The following ANKS1A variants were observed in gnomAD, a reference collection of about 807,000 sequenced individuals.
ANKS1A encodes ankyrin repeat and sterile alpha motif domain containing 1A, also known as ankyrin repeat and SAM domain-containing protein 1A.
A neutral mutation model predicts 120.3 loss-of-function variants in ANKS1A; 55 were observed. That is an observed-to-expected ratio of 0.46 (90% CI 0.37 to 0.57). The LOEUF is 0.57. Ranked by LOEUF, ANKS1A falls within the 20% of genes least tolerant of loss-of-function variation. The pLI, the probability that ANKS1A is intolerant of heterozygous loss-of-function variation, is 0.00. For missense variants in ANKS1A, 1,123 were observed against 1,480.3 expected, an observed-to-expected ratio of 0.76 and a Z score of 3.96; for synonymous variants, 590 against 604.7, an observed-to-expected ratio of 0.98 and a Z score of 0.36.
intron 3 of ANKS1A, among the ~76,000 whole-genome samples, chr6:34,979,591 T>G (rs1771793667): frequency 6.6e-6 from 1 of 152,138 alleles, no homozygotes; most frequent in Non-Finnish European, 1.5e-5. Flanking sequence ...TTTTTGTTTT[T>G]TTGGTTTTTT....
intron 1 of ANKS1A, among the ~76,000 whole-genome samples, chr6:34,902,781 C>A (rs542940710): frequency 1.4e-5 from 2 of 145,124 alleles, no homozygotes; most frequent in Non-Finnish European, 3.0e-5. Context: ...CCACCCCGGG[C>A]GACAAAGCAA....
chr6:35,030,710 A>G (rs747210095), intron 11 of ANKS1A, among the ~76,000 whole-genome samples: 6 of 152,152 alleles, frequency 3.9e-5, no homozygotes, highest in African/African-American at 1.2e-4. Context: ...CACCCCATCA[A>G]TTCTGGTTTT....
chr6:35,053,301 C>T (rs1776056380), intron 11 of ANKS1A, among the ~76,000 whole-genome samples: 1 of 152,374 alleles, frequency 6.6e-6, no homozygotes, highest in Admixed American at 6.5e-5. Context: ...GGCCAGGTTT[C>T]CTGGGGAAGG....
chr6:34,954,593 A>C (rs1770254471), intron 1 of ANKS1A, among the ~76,000 whole-genome samples: 1 of 152,146 alleles, frequency 6.6e-6, no homozygotes, highest in African/African-American at 2.4e-5. Context: ...ATGGAGTGTC[A>C]CCTTTCTTGC....
chr6:34,958,469 A>T (rs1274180281), intron 1 of ANKS1A, among the ~76,000 whole-genome samples: 1 of 152,186 alleles, frequency 6.6e-6, no homozygotes, highest in Non-Finnish European at 1.5e-5. Flanking sequence ...ACACCTGCTC[A>T]GCATAATGAT....
chr6:35,000,911 T>A (rs1773133982), intron 10 of ANKS1A, among the ~76,000 whole-genome samples: 1 of 152,204 alleles, frequency 6.6e-6, no homozygotes. Flanking sequence ...GTAAACATGT[T>A]AGCTAAAGTT....
rs904164630 is a variant in ANKS1A at position 35,083,039 on chromosome 6, G to A, written c.2836-116G>A. 3 of 1,360,110 alleles carry A rather than the reference G, an allele frequency of 2.2e-6. No individual in the cohort carries two copies. In the African/African-American group the frequency reaches 4.3e-5, roughly 20 times the overall value. The allele number at this position is 1,360,110 out of a possible 1,614,324, so 84.3% of individuals were successfully genotyped here. A position where few individuals can be genotyped will look rare whatever the true frequency, so the allele number is the denominator to read the frequency against. On this transcript the variant is annotated intron_variant, in intron 18 of 23. Coordinates refer to ENST00000360359, the MANE Select transcript of ANKS1A (RefSeq NM_015245.3). ...GTCTCTCCAGCTGGGGCAGGAGAGG[G>A]GGTGTTGTTATTGAGAGGGGTAACT... is the stretch of plus-strand genomic sequence containing the variant.
At chr6:35,028,625 G>A (rs1774746100) in intron 11 of ANKS1A, among the ~76,000 whole-genome samples, 1 of 152,104 alleles carries the variant, frequency 6.6e-6, no homozygotes, top group Admixed American at 6.6e-5. Context: ...AATATTCTCT[G>A]CATGTAGAAG....
At chr6:35,024,842 G>C (rs138811209) in intron 11 of ANKS1A, among the ~76,000 whole-genome samples, 1 of 152,330 alleles carries the variant, frequency 6.6e-6, no homozygotes, top group Non-Finnish European at 1.5e-5. Context: ...TGTGCAAAAA[G>C]AAGAATGTAA....
At chr6:35,002,052 C>G (rs980686133) in intron 10 of ANKS1A, among the ~76,000 whole-genome samples, 1 of 152,136 alleles carries the variant, frequency 6.6e-6, no homozygotes, top group Non-Finnish European at 1.5e-5. Flanking sequence ...TAATAAATAG[C>G]AAAGGACACT....
At chr6:34,975,761 A>T (rs7741666) in intron 3 of ANKS1A, among the ~76,000 whole-genome samples, 12,025 of 151,982 alleles carry the variant, frequency 0.079, 547 homozygotes, top group Middle Eastern at 0.11. Context: ...CTCAAAAAAA[A>T]AATAATAATA....
rs564515815 is a variant in ANKS1A at position 35,025,716 on chromosome 6, C to T, written c.2010+7657C>T. Among the ~76,000 whole-genome samples the T allele has an allele frequency of 7.9e-5, 12 of 151,842 alleles. No individual in the cohort carries two copies. The East Asian group carries it at 2.3e-3, about 29-fold the overall frequency. On this transcript the variant is annotated intron_variant, in intron 11 of 23. Coordinates refer to ENST00000360359, the MANE Select transcript of ANKS1A (RefSeq NM_015245.3). The stretch of plus-strand genomic sequence containing the variant: ...TTTTTCCTTTTCATTCTTATTTTTA[C>T]AGGTGGAGTTAAGGATAGGCTTCTC...
At chr6:35,019,135 T>C (rs1468932915) in intron 11 of ANKS1A, among the ~76,000 whole-genome samples, 1 of 152,190 alleles carries the variant, frequency 6.6e-6, no homozygotes, top group Non-Finnish European at 1.5e-5. Context: ...ATGGCATGTC[T>C]CGCTGAGCAG....
chr6:34,939,154 G>C (rs550117833), intron 1 of ANKS1A, among the ~76,000 whole-genome samples: 3 of 152,294 alleles, frequency 2.0e-5, no homozygotes, highest in Admixed American at 2.0e-4. Flanking sequence ...TTTGGAGGTA[G>C]CATTTAAGGA....
intron 3 of ANKS1A, among the ~76,000 whole-genome samples, chr6:34,974,476 T>G (rs1227498266): frequency 6.6e-6 from 1 of 150,612 alleles, no homozygotes; most frequent in Non-Finnish European, 1.5e-5. Flanking sequence ...TTGCCCAGGC[T>G]GAAATGCAGT....
At chr6:34,996,894 A>G (rs1772883796) in intron 10 of ANKS1A, among the ~76,000 whole-genome samples, 1 of 152,216 alleles carries the variant, frequency 6.6e-6, no homozygotes, top group Admixed American at 6.5e-5. Context: ...TCATTGTTTT[A>G]CAAATGGCTA....
At chr6:34,909,369 A>G (rs945778020) in intron 1 of ANKS1A, among the ~76,000 whole-genome samples, 9 of 152,222 alleles carry the variant, frequency 5.9e-5, no homozygotes, top group Non-Finnish European at 8.8e-5. Flanking sequence ...TATGTCTTCA[A>G]CTGACATTTG....
At chr6:34,934,953 T>C (rs535474729) in intron 1 of ANKS1A, among the ~76,000 whole-genome samples, 29 of 152,384 alleles carry the variant, frequency 1.9e-4, no homozygotes, top group African/African-American at 7.0e-4. Flanking sequence ...TGTTTTTATT[T>C]TCCTTCTTAG....
chr6:34,959,807 G>A (rs188719271), intron 1 of ANKS1A, among the ~76,000 whole-genome samples: 25 of 152,312 alleles, frequency 1.6e-4, no homozygotes, highest in African/African-American at 5.5e-4. Context: ...TTAGCTATGA[G>A]TGTTGATGGA....
Sources: allele counts gnomAD v4.1 joint callset (sites outside exome capture counted in the v4.1 genomes callset), GRCh38; gene constraint gnomAD v4.1.1; transcripts MANE v1.5; gene names NCBI Gene and HGNC (gene_info 2026-07-23, HGNC 2026-07-21).